PLAC1: variants seen among roughly 807,000 people sequenced by gnomAD.
PLAC1 encodes the protein placenta-specific protein 1.
For synonymous variants in PLAC1, 68 were observed against 62.1 expected, an observed-to-expected ratio of 1.09 and a Z score of -0.44; for missense variants, 136 against 163.2, an observed-to-expected ratio of 0.83 and a Z score of 0.91.
At chrX:134,724,417 T>G (rs2078667716) in intron 2 of PLAC1, among the ~76,000 whole-genome samples, 2 of 112,132 alleles carry the variant, frequency 1.8e-5, no homozygotes. Context: ...TTGCATGAAA[T>G]AGCGACAAGC....
At chrX:134,677,818 G>T (rs1387191674) in intron 2 of PLAC1, among the ~76,000 whole-genome samples, 3 of 112,013 alleles carry the variant, frequency 2.7e-5, no homozygotes, top group African/African-American at 9.7e-5. Flanking sequence ...GACTGAGGAG[G>T]CAAGGGTTGA....
chrX:134,756,572 G>A (rs1483798711), intron 1 of PLAC1, among the ~76,000 whole-genome samples: 14 of 110,409 alleles, frequency 1.3e-4, no homozygotes, highest in Admixed American at 2.9e-4. Flanking sequence ...ATTTTCGGCC[G>A]GGCGCGGTGG....
At chrX:134,761,967 C>G (rs749381615) in intron 1 of PLAC1, among the ~76,000 whole-genome samples, 1 of 111,943 alleles carries the variant, frequency 8.9e-6, no homozygotes, top group African/African-American at 3.2e-5. Flanking sequence ...GCAGAGCATT[C>G]GAGAACTTTT....
chrX:134,572,025 A>G (rs1406777590), intron 2 of PLAC1, among the ~76,000 whole-genome samples: 2 of 112,230 alleles, frequency 1.8e-5, no homozygotes, highest in Non-Finnish European at 3.8e-5. Flanking sequence ...CAGCAGGGAA[A>G]AGGAAACTCC....
chrX:134,746,751 G>A (rs756533034), intron 1 of PLAC1, among the ~76,000 whole-genome samples: 15 of 111,990 alleles, frequency 1.3e-4, no homozygotes, highest in Non-Finnish European at 2.6e-4. Flanking sequence ...AGTGAGACAT[G>A]GTGGGCTGTT....
At chrX:134,643,028 A>G (rs1487173811) in intron 1 of PLAC1, among the ~76,000 whole-genome samples, 3 of 111,622 alleles carry the variant, frequency 2.7e-5, no homozygotes, top group Non-Finnish European at 3.8e-5. Flanking sequence ...GGGACTAAAC[A>G]AAAAATAAAA....
At chrX:134,741,073 T>C (rs968310838) in intron 1 of PLAC1, among the ~76,000 whole-genome samples, 1 of 112,637 alleles carries the variant, frequency 8.9e-6, no homozygotes, top group Non-Finnish European at 1.9e-5. Flanking sequence ...ATGTTCATTT[T>C]GTAAAAATCC....
chrX:134,577,817 G>A (rs1452663066), intron 2 of PLAC1, among the ~76,000 whole-genome samples: 1 of 106,962 alleles, frequency 9.3e-6, no homozygotes, highest in Non-Finnish European at 1.9e-5. Context: ...CATGTATTAT[G>A]AACAAATGCA....
At chrX:134,579,501 G>A (rs1255121512) in intron 2 of PLAC1, among the ~76,000 whole-genome samples, 1 of 111,971 alleles carries the variant, frequency 8.9e-6, no homozygotes, top group Non-Finnish European at 1.9e-5. Context: ...TGAGTTTTTA[G>A]GAGAGGGGAC....
chrX:134,720,462 CT>C lies in PLAC1; in HGVS notation n.174+12972del, dbSNP rs560761685. On this transcript the variant is annotated intron_variant and non_coding_transcript_variant, in intron 2 of 2. Coordinates refer to the PLAC1 transcript ENST00000466797. ...TAATCTCTAATAAAATCTCAGCTGG[CT>C]TTTTTTTTTTTTGGCAGAAATTGAC... is the stretch of plus-strand genomic sequence containing the variant. 7.8e-3 allele frequency among the ~76,000 whole-genome samples: 754 copies of C among 96,859 alleles called. 2 individuals are homozygous for C. The highest frequency in any genetic ancestry group is 0.022 in the African/African-American group (598 of 26,917). 84.1% of individuals were successfully genotyped at this position (96,859 alleles called of 115,157 possible).
chrX:134,585,083 G>A (rs1038169548), intron 2 of PLAC1, among the ~76,000 whole-genome samples: 5 of 104,563 alleles, frequency 4.8e-5, no homozygotes, highest in African/African-American at 1.8e-4. Context: ...TGTAATCCCA[G>A]CACTTTGGGA....
At position 134,656,379 on chromosome X, in the gene PLAC1, C is replaced by A. The variant is rs189800539; in HGVS notation, c.-131+1949G>T. Reference sequence around the variant, plus strand: ...GTGCCTACCTCTCAAGTTTGACCAGCATTTGCCCACAGAGCTCCCACCTTT... The same window carrying A: ...GTGCCTACCTCTCAAGTTTGACCAGAATTTGCCCACAGAGCTCCCACCTTT... On this transcript the variant is annotated intron_variant, in intron 1 of 2. Coordinates refer to ENST00000359237, the MANE Select transcript of PLAC1 (RefSeq NM_021796.4). Among the ~76,000 whole-genome samples, 164 of 111,100 alleles carry A rather than the reference C, an allele frequency of 1.5e-3. 2 individuals carry two copies. Among genetic ancestry groups the A allele is most frequent in the African/African-American group, 5.1e-3 (155 of 30,558 alleles).
chrX:134,621,959 C>T (rs773765373), intron 1 of PLAC1, among the ~76,000 whole-genome samples: 27 of 111,733 alleles, frequency 2.4e-4, no homozygotes, highest in South Asian at 1.1e-3. Context: ...ATTTTCTGAT[C>T]GGTCAGCATA....
chrX:134,629,958 C>T (rs191164436), intron 1 of PLAC1, among the ~76,000 whole-genome samples: 1,284 of 106,759 alleles, frequency 0.012, 20 homozygotes, highest in African/African-American at 0.042. Flanking sequence ...TTCTTTCTTC[C>T]TCTTCTTCCC....
intron 2 of PLAC1, among the ~76,000 whole-genome samples, chrX:134,678,117 A>C (rs757626564): frequency 2.7e-5 from 3 of 111,237 alleles, no homozygotes; most frequent in Non-Finnish European, 3.8e-5. Context: ...CCTTCTCCAC[A>C]TCACAGCCAG....
At chrX:134,705,785 T>C (rs1336418372) in intron 2 of PLAC1, among the ~76,000 whole-genome samples, 2 of 111,584 alleles carry the variant, frequency 1.8e-5, no homozygotes, top group Non-Finnish European at 3.8e-5. Context: ...ATGGAGAAAA[T>C]TATTAAAATT....
intron 2 of PLAC1, among the ~76,000 whole-genome samples, chrX:134,692,738 A>C (rs2078547987): frequency 9.0e-6 from 1 of 111,670 alleles, no homozygotes; most frequent in Admixed American, 9.5e-5. Context: ...ACAATGTGCT[A>C]AACTCTGTGT....
At chrX:134,640,638 A>C (rs765693518) in intron 1 of PLAC1, among the ~76,000 whole-genome samples, 20 of 111,976 alleles carry the variant, frequency 1.8e-4, no homozygotes, top group African/African-American at 5.8e-4. Flanking sequence ...TACATATTCA[A>C]GTCAAGGTGC....
intron 2 of PLAC1, among the ~76,000 whole-genome samples, chrX:134,580,378 G>A (rs969649315): frequency 8.9e-6 from 1 of 112,150 alleles, no homozygotes; most frequent in African/African-American, 3.2e-5. Flanking sequence ...AACCCTCATA[G>A]CAACTCTGTG....
Sources: allele counts gnomAD v4.1 joint callset (sites outside exome capture counted in the v4.1 genomes callset), GRCh38; gene constraint gnomAD v4.1.1; transcripts MANE v1.5; gene names NCBI Gene and HGNC (gene_info 2026-07-23, HGNC 2026-07-21).